Variants in PDE11A observed in about 807,000 individuals in gnomAD.
PDE11A encodes phosphodiesterase 11A.
Under a neutral mutation model 100.5 loss-of-function variants are expected in PDE11A, and 100 were observed. That is an observed-to-expected ratio of 1.00 (90% confidence interval 0.85 to 1.18). The LOEUF is 1.18. PDE11A is among the 50% of genes most tolerant of loss of function. PDE11A has a pLI of 0.00. For missense variants in PDE11A, 1,141 were observed against 1,152.6 expected, an observed-to-expected ratio of 0.99 and a Z score of 0.15; for synonymous variants, 381 against 420.8, an observed-to-expected ratio of 0.91 and a Z score of 1.16.
chr2:177,657,627 T>TGGGGAGAGGGGC (rs2080409422), intron 19 of PDE11A, among the ~76,000 whole-genome samples: 1 of 113,530 alleles, frequency 8.8e-6, no homozygotes, highest in Non-Finnish European at 1.9e-5. Flanking sequence ...AGAGGGGGAG[T>TGGGGAGAGGGGC]GGGGAGAGGG....
At chr2:178,083,038 C>A (rs1437187821) in intron 2 of PDE11A, among the ~76,000 whole-genome samples, 3 of 151,956 alleles carry the variant, frequency 2.0e-5, no homozygotes, top group Admixed American at 6.6e-5. Context: ...CACATACTTT[C>A]TGCTAGTTAG....
chr2:177,884,485 T>C (rs945766373), intron 4 of PDE11A, among the ~76,000 whole-genome samples: 12 of 152,226 alleles, frequency 7.9e-5, no homozygotes, highest in Admixed American at 6.5e-4. Flanking sequence ...CACAAAGATA[T>C]GCATCTTTTG....
intron 1 of PDE11A, among the ~76,000 whole-genome samples, chr2:178,039,688 A>G (rs931400741): frequency 6.6e-6 from 1 of 151,918 alleles, no homozygotes; most frequent in Non-Finnish European, 1.5e-5. Context: ...ATAAAATAAA[A>G]TAAAATAACT....
intron 9 of PDE11A, among the ~76,000 whole-genome samples, chr2:177,808,016 A>G (rs78178464): frequency 0.015 from 2,266 of 152,338 alleles, 51 homozygotes; most frequent in African/African-American, 0.051. Flanking sequence ...GGTTTGTTAG[A>G]AAATACTTTA....
intron 5 of PDE11A, among the ~76,000 whole-genome samples, chr2:177,871,132 C>T (rs529578624): frequency 6.6e-6 from 1 of 152,266 alleles, no homozygotes; most frequent in South Asian, 2.1e-4. Context: ...CTCTGTCCTC[C>T]ACCTTTTCTT....
chr2:178,020,781 G>C (rs543765968), intron 1 of PDE11A, among the ~76,000 whole-genome samples: 2 of 152,230 alleles, frequency 1.3e-5, no homozygotes, highest in African/African-American at 4.8e-5. Flanking sequence ...CTGGGCGACA[G>C]AGCAAGACTC....
intron 2 of PDE11A, among the ~76,000 whole-genome samples, chr2:177,945,214 G>C (rs918859925): frequency 6.6e-5 from 10 of 151,572 alleles, no homozygotes; most frequent in African/African-American, 2.2e-4. Flanking sequence ...CCAGAGTGCT[G>C]AGATTGCAGC....
chr2:178,045,827 CT>C (rs1002397261), intron 1 of PDE11A, among the ~76,000 whole-genome samples: 1 of 152,214 alleles, frequency 6.6e-6, no homozygotes, highest in Non-Finnish European at 1.5e-5. Context: ...GCTAAAACAG[CT>C]TCTGGAATGC....
intron 9 of PDE11A, among the ~76,000 whole-genome samples, chr2:177,785,702 C>T (rs2082220): frequency 6.6e-5 from 10 of 152,256 alleles, no homozygotes; most frequent in Admixed American, 3.9e-4. Context: ...GCTTTTCCGA[C>T]GGGCTTAAAA....
At chr2:177,924,659 C>T (rs2085101080) in intron 2 of PDE11A, among the ~76,000 whole-genome samples, 1 of 152,040 alleles carries the variant, frequency 6.6e-6, no homozygotes, top group African/African-American at 2.4e-5. Context: ...TTGACATACA[C>T]ACATACACAC....
chr2:177,796,134 G>A (rs13389387), intron 9 of PDE11A, among the ~76,000 whole-genome samples: 42,620 of 150,982 alleles, frequency 0.28, 8,552 homozygotes, highest in African/African-American at 0.56. Context: ...CCATAATGAA[G>A]GCAGGTGCTG....
intron 19 of PDE11A, among the ~76,000 whole-genome samples, chr2:177,644,640 GA>G (rs1420178766): frequency 6.6e-6 from 1 of 152,196 alleles, no homozygotes; most frequent in African/African-American, 2.4e-5. Flanking sequence ...GGACCGTTGG[GA>G]AAACATGATT....
Position 178,070,789 on chromosome 2 carries a change from T to C in PDE11A, c.912+737A>G, listed in dbSNP as rs960918171. 5.9e-5 allele frequency among the ~76,000 whole-genome samples: 9 copies of C among 151,966 alleles called. No individual in the cohort carries two copies. The South Asian group carries it at 6.2e-4, about 10-fold the overall frequency. ...GCTAAAAAATTATCAATATTTGTTGTTTGTTTCATAAATTAAAAACCTACT... is the reference window on the plus strand; with the variant it reads ...GCTAAAAAATTATCAATATTTGTTGCTTGTTTCATAAATTAAAAACCTACT... On this transcript the variant is annotated intron_variant, in intron 1 of 19. Transcript: ENST00000286063.
chr2:177,694,556 A>G (rs535049943), intron 15 of PDE11A, among the ~76,000 whole-genome samples: 1 of 152,340 alleles, frequency 6.6e-6, no homozygotes, highest in South Asian at 2.1e-4. Context: ...AGGTACTGTT[A>G]TCTCCATTTT....
At chr2:177,797,635 C>T (rs149091000) in intron 9 of PDE11A, among the ~76,000 whole-genome samples, 25 of 152,162 alleles carry the variant, frequency 1.6e-4, no homozygotes, top group Middle Eastern at 3.4e-3. Context: ...CTTCTTAAGG[C>T]TACTATGGGG....
At chr2:177,864,783 C>T (rs1462098920) in intron 5 of PDE11A, among the ~76,000 whole-genome samples, 3 of 152,078 alleles carry the variant, frequency 2.0e-5, no homozygotes, top group Admixed American at 2.0e-4. Flanking sequence ...GATGGGATAA[C>T]CTATAGTGTT....
intron 4 of PDE11A, among the ~76,000 whole-genome samples, chr2:177,895,898 A>G (rs1427646883): frequency 6.6e-6 from 1 of 152,216 alleles, no homozygotes; most frequent in African/African-American, 2.4e-5. Flanking sequence ...CACACTGTAT[A>G]CCAGAAATAC....
At chr2:177,794,771 TTTGTTTGTTTG>T (rs748887973) in intron 9 of PDE11A, among the ~76,000 whole-genome samples, 52,132 of 139,708 alleles carry the variant, frequency 0.37, 9,512 homozygotes, top group African/African-American at 0.48. Flanking sequence ...CTGGTTTTTG[TTTGTTTGTTTG>T]TTTGTTTGTT....
intron 19 of PDE11A, among the ~76,000 whole-genome samples, chr2:177,633,287 A>G (rs10469714): frequency 0.2 from 30,175 of 152,250 alleles, 5,827 homozygotes; most frequent in African/African-American, 0.51. Flanking sequence ...GGAGTAGTCA[A>G]TAGTAAGTCC....
Sources: gnomAD v4.1 joint callset for allele counts (sites outside exome capture counted in the v4.1 genomes callset) on GRCh38, gnomAD v4.1.1 for gene constraint, MANE v1.5 for transcripts, NCBI Gene and HGNC (gene_info 2026-07-23, HGNC 2026-07-21) for gene names.